Variants in PRKG1 observed in about 807,000 individuals in gnomAD.
The protein encoded by PRKG1 is protein kinase cGMP-dependent 1.
A neutral mutation model predicts 88.1 loss-of-function variants in PRKG1; 35 were observed. The observed-to-expected ratio is 0.40, with a 90% confidence interval of 0.30 to 0.53. The LOEUF (loss-of-function observed/expected upper bound fraction) is 0.53. Among genes scored for constraint, PRKG1 ranks in the 20% least tolerant of loss-of-function variants. The pLI, the probability that PRKG1 is intolerant of heterozygous loss-of-function variation, is 0.59. For missense variants in PRKG1, 540 were observed against 839.8 expected, an observed-to-expected ratio of 0.64 and a Z score of 4.41; for synonymous variants, 303 against 292.5, an observed-to-expected ratio of 1.04 and a Z score of -0.37.
At chr10:52,030,475 C>T (rs1479703192) in intron 5 of PRKG1, among the ~76,000 whole-genome samples, 1 of 152,228 alleles carries the variant, frequency 6.6e-6, no homozygotes, top group African/African-American at 2.4e-5. Context: ...TCATCATCTG[C>T]ATATGCCCAT....
intron 2 of PRKG1, among the ~76,000 whole-genome samples, chr10:51,283,571 C>T (rs1840356671): frequency 6.6e-6 from 1 of 152,042 alleles, no homozygotes; most frequent in South Asian, 2.1e-4. Context: ...TTAAAGATTG[C>T]TAGTTTGAGA....
intron 3 of PRKG1, among the ~76,000 whole-genome samples, chr10:51,735,869 ATATATATATATGTATATTTATTTATT>A (rs1837255408): frequency 1.7e-5 from 2 of 118,008 alleles, no homozygotes; most frequent in African/African-American, 7.1e-5. Flanking sequence ...ATATATATAT[ATATATATATATGTATATTTATTTATT>A]TATTTATTTA....
At chr10:51,474,750 A>G (rs558089304) in intron 3 of PRKG1, among the ~76,000 whole-genome samples, 1 of 152,144 alleles carries the variant, frequency 6.6e-6, no homozygotes, top group South Asian at 2.1e-4. Context: ...TATATAACAA[A>G]ATAAAAGGAT....
chr10:51,556,793 C>G (rs187352779), intron 3 of PRKG1, among the ~76,000 whole-genome samples: 13 of 152,112 alleles, frequency 8.5e-5, no homozygotes, highest in African/African-American at 3.1e-4. Context: ...ACCTGGGCAA[C>G]AGGATCATTT....
intron 4 of PRKG1, among the ~76,000 whole-genome samples, chr10:51,842,785 G>GTA (rs1194848250): frequency 1.3e-5 from 2 of 151,780 alleles, no homozygotes; most frequent in African/African-American, 4.8e-5. Flanking sequence ...ATGTCATATA[G>GTA]TATATATTAT....
At chr10:51,527,839 C>T (rs554944508) in intron 3 of PRKG1, among the ~76,000 whole-genome samples, 20 of 152,120 alleles carry the variant, frequency 1.3e-4, no homozygotes, top group Non-Finnish European at 8.8e-5. Context: ...AAACAACTCC[C>T]GGCAAATATC....
At chr10:51,590,689 G>A (rs1838290078) in intron 3 of PRKG1, among the ~76,000 whole-genome samples, 1 of 151,936 alleles carries the variant, frequency 6.6e-6, no homozygotes, top group Non-Finnish European at 1.5e-5. Context: ...AGCACTCTGG[G>A]TGCAAAGCTG....
chr10:51,690,379 T>C (rs995248847), intron 3 of PRKG1, among the ~76,000 whole-genome samples: 1 of 152,188 alleles, frequency 6.6e-6, no homozygotes, highest in Admixed American at 6.5e-5. Flanking sequence ...TGAATTTTAT[T>C]CTAAGAGCAA....
At chr10:51,266,458 T>A (rs1449866246) in intron 2 of PRKG1, among the ~76,000 whole-genome samples, 1 of 152,228 alleles carries the variant, frequency 6.6e-6, no homozygotes, top group Non-Finnish European at 1.5e-5. Context: ...GTTATCTGTA[T>A]AAGTGTTAGA....
At chr10:51,876,610 C>T (rs1841306996) in intron 4 of PRKG1, among the ~76,000 whole-genome samples, 1 of 152,170 alleles carries the variant, frequency 6.6e-6, no homozygotes, top group Admixed American at 6.5e-5. Flanking sequence ...TTACGTTGTT[C>T]AGCAAACGTT....
intron 13 of PRKG1, among the ~76,000 whole-genome samples, chr10:52,281,440 G>C (rs1842000677): frequency 1.5e-5 from 1 of 66,410 alleles, no homozygotes; most frequent in Non-Finnish European, 3.1e-5. Flanking sequence ...CACAACTTTT[G>C]TTGGATCTGT....
intron 3 of PRKG1, among the ~76,000 whole-genome samples, chr10:51,599,309 C>G (rs147469751): frequency 6.6e-6 from 1 of 152,088 alleles, no homozygotes; most frequent in African/African-American, 2.4e-5. Flanking sequence ...AAACATCCCA[C>G]GATACACAGG....
chr10:51,692,643 T>C (rs2132394675), intron 3 of PRKG1, among the ~76,000 whole-genome samples: 1 of 152,246 alleles, frequency 6.6e-6, no homozygotes, highest in South Asian at 2.1e-4. Context: ...ACTCAGCTAA[T>C]TTTTACATTT....
intron 7 of PRKG1, among the ~76,000 whole-genome samples, chr10:52,114,462 TC>T (rs1166410602): frequency 6.6e-6 from 1 of 152,022 alleles, no homozygotes; most frequent in Non-Finnish European, 1.5e-5. Context: ...CTTTTTTTTT[TC>T]CTTTCAAACA....
intron 4 of PRKG1, among the ~76,000 whole-genome samples, chr10:51,867,077 C>T (rs775375599): frequency 1.3e-5 from 2 of 152,104 alleles, no homozygotes; most frequent in Non-Finnish European, 1.5e-5. Context: ...ACACCATACA[C>T]TTGTGTTCAA....
chr10:51,829,039 A>G (rs1839942755), intron 4 of PRKG1, among the ~76,000 whole-genome samples: 1 of 152,208 alleles, frequency 6.6e-6, no homozygotes, highest in South Asian at 2.1e-4. Flanking sequence ...AGTTGCAATC[A>G]GCTATTGCCC....
intron 2 of PRKG1, among the ~76,000 whole-genome samples, chr10:51,270,469 C>G (rs997455564): frequency 6.6e-6 from 1 of 151,960 alleles, no homozygotes; most frequent in Non-Finnish European, 1.5e-5. Context: ...AGTTATTATG[C>G]TTATAAAATT....
chr10:51,198,937 T>C (rs1256579293), intron 2 of PRKG1, among the ~76,000 whole-genome samples: 1 of 152,216 alleles, frequency 6.6e-6, no homozygotes, highest in Non-Finnish European at 1.5e-5. Context: ...TTTTAAGCAC[T>C]TTTGGAAATG....
intron 4 of PRKG1, among the ~76,000 whole-genome samples, chr10:51,862,037 C>T (rs961470615): frequency 8.5e-5 from 13 of 152,176 alleles, no homozygotes; most frequent in Non-Finnish European, 1.0e-4. Context: ...CCAGCAACCA[C>T]GGAGTCCCAA....
Sources: gnomAD v4.1 joint callset for allele counts (sites outside exome capture counted in the v4.1 genomes callset) on GRCh38, gnomAD v4.1.1 for gene constraint, MANE v1.5 for transcripts, NCBI Gene and HGNC (gene_info 2026-07-23, HGNC 2026-07-21) for gene names.